The following WAC variants were observed in gnomAD, a reference collection of about 807,000 sequenced individuals.
WAC encodes the protein WW domain containing adaptor with coiled-coil.
Under a neutral mutation model 79.6 loss-of-function variants are expected in WAC, and 11 were observed. The ratio of observed to expected loss-of-function variants is 0.14; its 90% CI spans 0.09 to 0.23. The LOEUF (loss-of-function observed/expected upper bound fraction) is 0.23, where lower values mean the gene tolerates loss of function less well. Ranked by LOEUF, WAC falls within the 10% of genes least tolerant of loss-of-function variation. The probability of loss-of-function intolerance (pLI) is 1.00; values close to 1 mark genes in which losing one functional copy is unlikely to be tolerated. For missense variants in WAC, 728 were observed against 773.5 expected (o/e 0.94, Z 0.70); for synonymous variants, 304 against 276.9 (o/e 1.10, Z -0.97).
At position 28,533,155 on chromosome 10, in the gene WAC, GCAC is replaced by G. The variant is rs1160076905; in HGVS notation, c.-422_-420del. 1 of 168,014 alleles carries G rather than the reference GCAC, an allele frequency of 6.0e-6. No individual in the cohort carries two copies. Among genetic ancestry groups the G allele is most frequent in the African/African-American group, 2.4e-5 (1 of 41,556 alleles). The allele number at this position is 168,014 out of a possible 1,614,324, so 10.4% of individuals were successfully genotyped here. ...TGTAGTTGGTGGAGCGGCAGCGGCG[GCAC>G]CAGCGGCGGCGGCGGCGGCGGGAGG... On this transcript the variant is annotated 5_prime_UTR_variant, in exon 1 of 14. Coordinates refer to ENST00000354911, the MANE Select transcript of WAC (RefSeq NM_016628.5).
chr10:28,613,618 A>G (rs1212242689), intron 10 of WAC, among the ~76,000 whole-genome samples: 1 of 152,206 alleles, frequency 6.6e-6, no homozygotes, highest in African/African-American at 2.4e-5. Flanking sequence ...TGCTTATAAA[A>G]TGTTCTTTAT....
chr10:28,614,251 G>A (rs1402193704), intron 10 of WAC, among the ~76,000 whole-genome samples: 1 of 151,752 alleles, frequency 6.6e-6, no homozygotes, highest in Admixed American at 6.6e-5. Flanking sequence ...GACTACAGGC[G>A]CCCGCCACTG....
Position 28,595,907 on chromosome 10 carries a change from C to T in WAC, c.785C>T (p.Thr262Ile). The T allele has an allele frequency of 6.2e-7, 1 of 1,614,212 alleles. No homozygotes were observed. The highest frequency in any genetic ancestry group is 8.5e-7 in the Non-Finnish European group (1 of 1,180,020). The change falls in exon 7 of 14, where the codon ACT (threonine) becomes ATT (isoleucine). Residue 262 changes from threonine (T) to isoleucine (I), a missense_variant. Thr to Ile is a moderately conservative substitution (Grantham distance 89). Coordinates refer to ENST00000354911, the MANE Select transcript of WAC (RefSeq NM_016628.5). ...GTTCATCCAACTGCTACCCCAAGCA[C>T]TGTTCCTTCTAGTCCATTTACGCTA... The part of the protein sequence containing the change: ...PVVHPTATPS[T>I]VPSSPFTLQS...
chr10:28,566,483 C>T (rs925404591), intron 3 of WAC, among the ~76,000 whole-genome samples: 5 of 152,176 alleles, frequency 3.3e-5, no homozygotes, highest in Non-Finnish European at 5.9e-5. Flanking sequence ...TTGGTGTACA[C>T]TGTCAGTCCT....
At chr10:28,596,159 T>G (rs1318259574) in intron 7 of WAC, 118 bp downstream of exon 7, 4 of 1,132,166 alleles carry the variant, frequency 3.5e-6, no homozygotes, top group Non-Finnish European at 3.6e-6. Context: ...AAAAAGTCTT[T>G]TAGAATGTTT....
chr10:28,594,869 C>G (rs1212857441), intron 6 of WAC, among the ~76,000 whole-genome samples: 1 of 152,114 alleles, frequency 6.6e-6, no homozygotes, highest in South Asian at 2.1e-4. Flanking sequence ...GAATGAACTT[C>G]AACATGATAG....
intron 3 of WAC, 126 bp from the exon 4 acceptor site, chr10:28,583,273 T>G (rs576168632): frequency 1.5e-6 from 1 of 650,718 alleles, no homozygotes; most frequent in African/African-American, 1.9e-5. Flanking sequence ...TGTGTATATA[T>G]TCCTAATGCT....
At position 28,623,089 on chromosome 10, in the gene WAC, T is replaced by C. The variant is rs1019048783; in HGVS notation, c.*3483T>C. 2.6e-5 allele frequency: 4 copies of C among 152,206 alleles called. No homozygotes were observed. The highest frequency in any genetic ancestry group is 5.9e-5 in the Non-Finnish European group (4 of 68,044). The allele number at this position is 152,206 out of a possible 1,614,324, so 9.4% of individuals were successfully genotyped here. On this transcript the variant is annotated 3_prime_UTR_variant, in exon 14 of 14. Transcript: ENST00000354911. ...TGCATTTGAGTAAGGAAATTTAAAA[T>C]ACAGATTACTGCTGAGATTTTAATC...
At chr10:28,544,538 A>G (rs1375792041) in intron 3 of WAC, among the ~76,000 whole-genome samples, 2 of 152,190 alleles carry the variant, frequency 1.3e-5, no homozygotes, top group Non-Finnish European at 2.9e-5. Flanking sequence ...GACAGAGTAG[A>G]TTATTAGGCT....
chr10:28,551,526 C>T (rs956270880), intron 3 of WAC, among the ~76,000 whole-genome samples: 4 of 152,138 alleles, frequency 2.6e-5, no homozygotes, highest in Non-Finnish European at 5.9e-5. Flanking sequence ...AGCCAGGGGC[C>T]ACATAGCAGA....
chr10:28,620,422 A>G lies in WAC; in HGVS notation c.*816A>G, dbSNP rs1444975867. On this transcript the variant is annotated 3_prime_UTR_variant, in exon 14 of 14. Coordinates refer to ENST00000354911, the MANE Select transcript of WAC (RefSeq NM_016628.5). The stretch of plus-strand genomic sequence containing the variant: ...GGACAGGCATGTGTGCTCAAAGTAC[A>G]TTGATTGCTCAAATATAAGGAAATG... The G allele has an allele frequency of 6.6e-6, 1 of 152,668 alleles. No homozygotes were observed. The highest frequency in any genetic ancestry group is 6.5e-5 in the Admixed American group (1 of 15,282). The allele number at this position is 152,668 out of a possible 1,614,324, so 9.5% of individuals were successfully genotyped here. A position where few individuals can be genotyped will look rare whatever the true frequency, so the allele number is the denominator to read the frequency against.
chr10:28,578,043 C>T (rs2132593957), intron 3 of WAC, among the ~76,000 whole-genome samples: 1 of 152,226 alleles, frequency 6.6e-6, no homozygotes, highest in East Asian at 1.9e-4. Context: ...TCTGTAGTGC[C>T]AGCTACTTGG....
chr10:28,609,072 G>A lies in WAC; in HGVS notation c.1165+641G>A, dbSNP rs567365220. On this transcript the variant is annotated intron_variant, in intron 8 of 13. Transcript: ENST00000354911. ...ATTTGGAAACTATTCAGATTCACAC[G>A]TTAATTCCTAAAAGCACTGCAAAAT... 1.4e-4 allele frequency among the ~76,000 whole-genome samples: 22 copies of A among 152,308 alleles called. No individual in the cohort carries two copies. The East Asian group carries it at 1.9e-3, about 13-fold the overall frequency.
At chr10:28,612,347 CTTTATT>C (rs1450996600) in intron 10 of WAC, among the ~76,000 whole-genome samples, 1 of 152,136 alleles carries the variant, frequency 6.6e-6, no homozygotes, top group Admixed American at 6.5e-5. Flanking sequence ...GAATCACTTG[CTTTATT>C]TAATAGATGA....
intron 3 of WAC, among the ~76,000 whole-genome samples, chr10:28,582,620 C>T (rs1839595951): frequency 6.6e-6 from 1 of 152,114 alleles, no homozygotes; most frequent in African/African-American, 2.4e-5. Context: ...GCTGAAAAAT[C>T]TAGAATTAAG....
At chr10:28,544,782 G>A (rs966877985) in intron 3 of WAC, among the ~76,000 whole-genome samples, 4 of 152,036 alleles carry the variant, frequency 2.6e-5, no homozygotes, top group Non-Finnish European at 5.9e-5. Context: ...AACAGAAAAC[G>A]GCCAGGCGCG....
chr10:28,572,238 G>A (rs1025056348), intron 3 of WAC, among the ~76,000 whole-genome samples: 11 of 151,212 alleles, frequency 7.3e-5, no homozygotes, highest in African/African-American at 1.7e-4. Context: ...TTGAGAGGCC[G>A]AGGCAGGAGA....
rs1337720187 is a variant in WAC at position 28,533,542 on chromosome 10, T to TC, written c.-32dup. 30 of 1,300,524 alleles carry TC rather than the reference T, an allele frequency of 2.3e-5. No homozygotes were observed. The highest frequency in any genetic ancestry group is 2.8e-5 in the Non-Finnish European group (28 of 998,472). The allele number at this position is 1,300,524 out of a possible 1,614,324, so 80.6% of individuals were successfully genotyped here. A position where few individuals can be genotyped will look rare whatever the true frequency, so the allele number is the denominator to read the frequency against. ...GCCCGCCCGCCTTTCGCGGCCGCTC[T>TC]CCCCCCTCCCCGACACACACTCACA... is the stretch of plus-strand genomic sequence containing the variant. On this transcript the variant is annotated 5_prime_UTR_variant, in exon 1 of 14. Coordinates refer to ENST00000354911, the MANE Select transcript of WAC (RefSeq NM_016628.5).
chr10:28,585,437 C>T (rs1231319885), intron 4 of WAC, among the ~76,000 whole-genome samples: 3 of 152,176 alleles, frequency 2.0e-5, no homozygotes, highest in African/African-American at 4.8e-5. Flanking sequence ...TCTAGCATCA[C>T]AGAGCGGACT....
Sources: allele counts gnomAD v4.1 joint callset (sites outside exome capture counted in the v4.1 genomes callset), GRCh38; gene constraint gnomAD v4.1.1; transcripts MANE v1.5; gene names NCBI Gene and HGNC (gene_info 2026-07-23, HGNC 2026-07-21).